Variants in ELMO2 observed in about 807,000 individuals in gnomAD.
The protein encoded by ELMO2 is engulfment and cell motility protein 2.
Under a neutral mutation model 96.2 loss-of-function variants are expected in ELMO2, and 37 were observed. The ratio of observed to expected loss-of-function variants is 0.38; its 90% CI spans 0.30 to 0.51. ELMO2 has a LOEUF of 0.51. ELMO2 is among the 20% of genes least tolerant of loss of function. The probability of loss-of-function intolerance (pLI) is 0.88; values close to 1 mark genes in which losing one functional copy is unlikely to be tolerated. For synonymous variants in ELMO2, 315 were observed against 329.4 expected (o/e 0.96, Z 0.47); for missense variants, 561 against 912.6 (o/e 0.61, Z 4.96).
At chr20:46,381,403 T>C (rs996073416) in intron 10 of ELMO2, among the ~76,000 whole-genome samples, 8 of 152,254 alleles carry the variant, frequency 5.3e-5, no homozygotes, top group African/African-American at 1.9e-4. Flanking sequence ...GAGTAGTATC[T>C]GTGAGCTCTG....
In ELMO2 at chr20:46,393,680, T is replaced by C. The variant is rs1339910985; in HGVS notation, c.120-79A>G. The C allele has an allele frequency of 4.0e-6, 6 of 1,484,028 alleles. No individual in the cohort carries two copies. The African/African-American group carries it at 5.6e-5, about 14-fold the overall frequency. The allele number at this position is 1,484,028 out of a possible 1,614,324, so 91.9% of individuals were successfully genotyped here. On this transcript the variant is annotated intron_variant, in intron 4 of 21. Coordinates refer to ENST00000290246, the MANE Select transcript of ELMO2 (RefSeq NM_133171.5). The stretch of plus-strand genomic sequence containing the variant: ...TGCTCATAAGTAATTTTCAAAAGAG[T>C]TGCTCAAGGGATTGGGTGGCCTATT...
intron 1 of ELMO2, among the ~76,000 whole-genome samples, chr20:46,406,012 G>A (rs559136671): frequency 1.3e-5 from 2 of 152,188 alleles, no homozygotes; most frequent in African/African-American, 4.8e-5. Context: ...AAGCGAGAGG[G>A]GCCTGAACTC....
chr20:46,403,851 A>C (rs188927477), intron 1 of ELMO2, among the ~76,000 whole-genome samples: 1 of 152,308 alleles, frequency 6.6e-6, no homozygotes, highest in African/African-American at 2.4e-5. Flanking sequence ...TGGGAGGCTG[A>C]GGTGGGCGGG....
At position 46,371,667 on chromosome 20, in the gene ELMO2, G is replaced by C. The variant is rs781407932; in HGVS notation, c.1605C>G (p.Pro535=). 1.2e-6 allele frequency: 2 copies of C among 1,613,784 alleles called. No homozygotes were observed. The highest frequency in any genetic ancestry group is 1.1e-5 in the South Asian group (1 of 91,066). Residue 535 remains proline (P), a synonymous_variant, in exon 18 of 22, where the codon CCC becomes CCG. Transcript: ENST00000290246. The surrounding 1 kb of genome is among the most constrained non-coding windows in gnomAD (Gnocchi z 5.9). ...GCTGCTTGATCAGCTCAAGGATCTC[G>C]GGCTGGATCTTCTCCCTCAGCTCCC... The part of the protein sequence containing the change: ...PIVELREKIQ[P]EILELIKQQR...
At chr20:46,377,937 A>C (rs2059893125) in intron 11 of ELMO2, among the ~76,000 whole-genome samples, 1 of 149,384 alleles carries the variant, frequency 6.7e-6, no homozygotes, top group Non-Finnish European at 1.5e-5. Flanking sequence ...TCCCCTTCAC[A>C]CCTCTTCCTT....
Position 46,371,622 on chromosome 20 carries a change from A to G in ELMO2, c.1650T>C (p.Cys550=). The change falls in exon 18 of 22, where the codon TGT becomes TGC. Residue 550 remains cysteine, a synonymous_variant. Coordinates refer to ENST00000290246, the MANE Select transcript of ELMO2 (RefSeq NM_133171.5). This position sits in a 1 kb window ranked among gnomAD's most constrained non-coding sequence, Gnocchi z 5.9. ...LIKQQRLNRL[C]EGSSFRKIGN... ...CAATCTTTCGGAAGCTGCTGCCCTC[A>G]CAGAGCCGGTTCAGGCGCTGCTGCT... 1 of 1,608,354 alleles carries G rather than the reference A, an allele frequency of 6.2e-7. No individual in the cohort carries two copies. The highest frequency in any genetic ancestry group is 1.3e-5 in the African/African-American group (1 of 74,560).
chr20:46,379,877 ACTTAGT>A, intron 11 of ELMO2: 1 of 166,482 alleles, frequency 6.0e-6, no homozygotes, highest in South Asian at 1.6e-4. Context: ...ACACTTGCTT[ACTTAGT>A]TCTGTCAGTG....
At chr20:46,376,068 TG>T (rs901242160) in intron 11 of ELMO2, among the ~76,000 whole-genome samples, 3 of 151,924 alleles carry the variant, frequency 2.0e-5, no homozygotes, top group Non-Finnish European at 4.4e-5. Flanking sequence ...ACACCAGAAA[TG>T]GGGGAGGCTA....
chr20:46,393,095 G>A lies in ELMO2; in HGVS notation c.241C>T (p.Pro81Ser), dbSNP rs771678995. ...NGTILQLAIS[P>S]SRAARQLMER... ...CCTAAGGAAGAAAGAATACCTACCGGGGAGATAGCCAGTTGTAAGATTGTC... is the reference window on the plus strand; with the variant it reads ...CCTAAGGAAGAAAGAATACCTACCGAGGAGATAGCCAGTTGTAAGATTGTC... Residue 81 changes from proline (P) to serine (S), a missense_variant and splice_region_variant, in exon 6 of 22, where the codon CCG becomes TCG. By Grantham distance (74) the Pro-to-Ser change is moderately conservative. Coordinates refer to ENST00000290246, the MANE Select transcript of ELMO2 (RefSeq NM_133171.5). The A allele has an allele frequency of 6.2e-7, 1 of 1,613,852 alleles. No homozygotes were observed. Among genetic ancestry groups the A allele is most frequent in the Non-Finnish European group, 8.5e-7 (1 of 1,179,770 alleles).
chr20:46,374,732 T>TGAGTGGTAGCAGCATCAA, intron 13 of ELMO2, 92 bp from the exon 14 acceptor site: 2 of 1,088,264 alleles, frequency 1.8e-6, no homozygotes, highest in Non-Finnish European at 2.7e-6. Flanking sequence ...CTCTTGATGC[T>TGAGTGGTAGCAGCATCAA]GCTACCACTC....
chr20:46,387,604 G>C, intron 7 of ELMO2, 167 bp from the exon 8 acceptor site: 1 of 265,790 alleles, frequency 3.8e-6, no homozygotes, highest in South Asian at 9.1e-5. Context: ...CCAGTGTAGA[G>C]CAGATTCAGC....
In ELMO2 at chr20:46,393,595, C is replaced by T. The variant is rs751002420; in HGVS notation, c.126G>A (p.Ser42=). ...GGGTATAATACTCTGGGTTTGGCAA[C>T]GACCACCTATGCAAGAGAAAAACAG... ...SIIKEVCDGW[S]LPNPEYYTLR... is the part of the protein sequence containing the mutation. Residue 42 remains serine (S), a synonymous_variant, in exon 5 of 22, where the codon TCG becomes TCA. Transcript: ENST00000290246. 6.8e-6 allele frequency: 11 copies of T among 1,613,494 alleles called. No individual in the cohort carries two copies. Among genetic ancestry groups the T allele is most frequent in the South Asian group, 2.2e-5 (2 of 91,054 alleles).
chr20:46,394,907 T>TATC (rs2060218071), intron 2 of ELMO2, among the ~76,000 whole-genome samples: 1 of 152,148 alleles, frequency 6.6e-6, no homozygotes, highest in Non-Finnish European at 1.5e-5. Flanking sequence ...AGCCTTTTCT[T>TATC]GGTTGAGTGG....
chr20:46,368,801 C>G, intron 21 of ELMO2, 90 bp downstream of exon 21: 1 of 1,411,960 alleles, frequency 7.1e-7, no homozygotes, highest in Non-Finnish European at 1.0e-6. Context: ...CCACCCACCA[C>G]AGGGGACTTT....
At chr20:46,379,772 T>G (rs1252460165) in intron 11 of ELMO2, 4 of 153,196 alleles carry the variant, frequency 2.6e-5, no homozygotes, top group Non-Finnish European at 5.8e-5. Context: ...AAATCACTGT[T>G]CCTCCTCCAT....
chr20:46,378,482 G>C (rs537316359), intron 11 of ELMO2, among the ~76,000 whole-genome samples: 2 of 152,210 alleles, frequency 1.3e-5, no homozygotes, highest in African/African-American at 4.8e-5. Context: ...ACATGCAGAA[G>C]AGGGTGACCA....
chr20:46,400,307 A>C (rs2060314350), intron 1 of ELMO2, among the ~76,000 whole-genome samples: 1 of 152,256 alleles, frequency 6.6e-6, no homozygotes, highest in African/African-American at 2.4e-5. Flanking sequence ...AGGAGACTAG[A>C]AATAATTCTG....
At position 46,383,420 on chromosome 20, in the gene ELMO2, C is replaced by T. The variant is rs763326281; in HGVS notation, c.752G>A (p.Arg251Gln). The T allele has an allele frequency of 6.2e-7, 1 of 1,614,016 alleles. No individual in the cohort carries two copies. Among genetic ancestry groups the T allele is most frequent in the South Asian group, 1.1e-5 (1 of 91,070 alleles). The change falls in exon 10 of 22, where the codon CGA (arginine) becomes CAA (glutamine). Residue 251 changes from arginine (R) to glutamine (Q), a missense_variant. Transcript: ENST00000290246. ...TGTGAAAAGGCAGCCACAGACCTGT[C>T]GTTTGTCCTCAGGAGCCTTCAGAAA... ...ALFLKAPEDK[R>Q]QDMANAFAQK...
Position 46,371,063 on chromosome 20 carries a change from G to A in ELMO2, c.1801+289C>T, listed in dbSNP as rs1381952077. Among the ~76,000 whole-genome samples the A allele has an allele frequency of 6.6e-6, 1 of 152,210 alleles. No homozygotes were observed. Among genetic ancestry groups the A allele is most frequent in the Non-Finnish European group, 1.5e-5 (1 of 68,036 alleles). On this transcript the variant is annotated intron_variant, in intron 19 of 21. Coordinates refer to ENST00000290246, the MANE Select transcript of ELMO2 (RefSeq NM_133171.5). This position sits in a 1 kb window ranked among gnomAD's most constrained non-coding sequence, Gnocchi z 5.9. ...TTAATTAGGAGCAAAGCCAGGATTT[G>A]AATGTGGGCAGTCTGGCTTCACAGC...
Sources: allele counts gnomAD v4.1 joint callset (sites outside exome capture counted in the v4.1 genomes callset), GRCh38; gene constraint gnomAD v4.1.1; non-coding constraint Gnocchi (gnomAD v3.1); transcripts MANE v1.5; gene names NCBI Gene and HGNC (gene_info 2026-07-23, HGNC 2026-07-21).